Variants in SUB1 observed in about 807,000 individuals in gnomAD.
SUB1 encodes the protein activated RNA polymerase II transcriptional coactivator p15.
Under a neutral mutation model 16.9 loss-of-function variants are expected in SUB1, and 1 was observed. The observed-to-expected ratio is 0.06, with a 90% CI of 0.02 to 0.28. The LOEUF is 0.28. Among genes scored for constraint, SUB1 ranks in the 10% least tolerant of loss-of-function variants. The probability of loss-of-function intolerance (pLI) is 1.00; values close to 1 mark genes in which losing one functional copy is unlikely to be tolerated. For missense variants in SUB1, 84 were observed against 145.2 expected (o/e 0.58, Z 2.16); for synonymous variants, 51 against 46.9 (o/e 1.09, Z -0.36).
intron 1 of SUB1, among the ~76,000 whole-genome samples, chr5:32,587,214 T>C (rs1561031618): frequency 2.0e-5 from 3 of 152,182 alleles, no homozygotes; most frequent in African/African-American, 7.2e-5. Context: ...ACCTCTGGCA[T>C]AAATGGGTTA....
chr5:32,593,592 G>T (rs1409280528), intron 3 of SUB1, among the ~76,000 whole-genome samples: 3 of 152,094 alleles, frequency 2.0e-5, no homozygotes, highest in Non-Finnish European at 1.5e-5. Context: ...CAGAAAAACG[G>T]AGCTTCATTT....
chr5:32,598,258 G>A (rs1312107395), intron 3 of SUB1: 1 of 151,990 alleles, frequency 6.6e-6, no homozygotes, highest in Non-Finnish European at 1.5e-5. Context: ...CTGCTTCTTG[G>A]GAGCACTTTC....
chr5:32,602,438 C>A lies in SUB1; in HGVS notation c.*1354C>A. On this transcript the variant is annotated 3_prime_UTR_variant, in exon 5 of 5. Transcript: ENST00000265073. ...AAGTTTTAAAGACATATAAAAGATT[C>A]TTGTTGACAAATTATTTTTGGTAGC... 4.5e-6 allele frequency: 1 copy of A among 223,762 alleles called. No individual in the cohort carries two copies. The highest frequency in any genetic ancestry group is 9.3e-6 in the Non-Finnish European group (1 of 108,006). 13.9% of individuals were successfully genotyped at this position (223,762 alleles called of 1,614,324 possible).
chr5:32,588,212 T>C (rs1338510944), intron 1 of SUB1, among the ~76,000 whole-genome samples: 2 of 152,224 alleles, frequency 1.3e-5, no homozygotes, highest in Admixed American at 6.5e-5. Flanking sequence ...CCATAGTGTG[T>C]AATGCCATTA....
intron 4 of SUB1, among the ~76,000 whole-genome samples, 168 bp downstream of exon 4, chr5:32,599,237 A>G (rs1023941906): frequency 6.6e-6 from 1 of 152,184 alleles, no homozygotes; most frequent in Non-Finnish European, 1.5e-5. Context: ...CATTTTTTTA[A>G]TGAGATGTCT....
intron 3 of SUB1, chr5:32,595,959 G>A (rs1290098395): frequency 7.9e-6 from 1 of 126,932 alleles, no homozygotes; most frequent in Non-Finnish European, 1.7e-5. Flanking sequence ...TATCTTTTGT[G>A]AAGAGTATCT....
At chr5:32,588,704 G>C (rs1319309532) in intron 2 of SUB1, 120 bp downstream of exon 2, 1 of 968,956 alleles carries the variant, frequency 1.0e-6, no homozygotes, top group Non-Finnish European at 1.5e-6. Context: ...GGGCGCGGTG[G>C]CTCATGCCTG....
intron 3 of SUB1, chr5:32,594,959 T>A (rs1738921632): frequency 6.5e-6 from 1 of 154,224 alleles, no homozygotes; most frequent in Admixed American, 6.4e-5. Flanking sequence ...ATGTATATGC[T>A]ATTTTTTGCT....
chr5:32,589,348 A>G (rs1240083335), intron 2 of SUB1, among the ~76,000 whole-genome samples: 1 of 152,126 alleles, frequency 6.6e-6, no homozygotes, highest in African/African-American at 2.4e-5. Context: ...CAGACTCCCA[A>G]AGTGCTGGGA....
chr5:32,588,640 C>G (rs1738735968), intron 2 of SUB1, 56 bp downstream of exon 2: 34 of 1,527,666 alleles, frequency 2.2e-5, no homozygotes, highest in Middle Eastern at 3.5e-4. Context: ...TGTCCATATC[C>G]CATTCTGAAG....
rs531544451 is a variant in SUB1, at chr5:32,601,450, TGA to T, written c.*368_*369del. 134 of 169,906 alleles carry T rather than the reference TGA, an allele frequency of 7.9e-4. No individual in the cohort carries two copies. The highest frequency in any genetic ancestry group is 6.9e-3 in the Admixed American group (109 of 15,860). The allele number at this position is 169,906 out of a possible 1,614,324, so 10.5% of individuals were successfully genotyped here. A position where few individuals can be genotyped will look rare whatever the true frequency, so the allele number is the denominator to read the frequency against. On this transcript the variant is annotated 3_prime_UTR_variant, in exon 5 of 5. Coordinates refer to ENST00000265073, the MANE Select transcript of SUB1 (RefSeq NM_006713.4). ...ACAATAAAAAGGATTTGTATTGCAT[TGA>T]GTTTATAAACTTTTGGTTTGTGAAC...
intron 2 of SUB1, among the ~76,000 whole-genome samples, chr5:32,590,762 A>ATGTTTTTTTTTTTTTTT (rs1680786256): frequency 2.9e-5 from 1 of 33,958 alleles, no homozygotes. Context: ...CGCCTGGCTA[A>ATGTTTTTTTTTTTTTTT]TTTTTTTTTT....
At chr5:32,597,647 G>A (rs1050406348) in intron 3 of SUB1, 10 of 152,182 alleles carry the variant, frequency 6.6e-5, no homozygotes, top group Non-Finnish European at 1.3e-4. Flanking sequence ...GATACTGAGA[G>A]TAGTACAGTT....
chr5:32,601,073 A>G lies in SUB1; in HGVS notation c.373A>G (p.Arg125Gly). Reference sequence around the variant, plus strand: ...GATTTCTGACATTGATGATGCAGTAAGAAAACTGTAAAATTCGAGCCATAT... The same window carrying G: ...GATTTCTGACATTGATGATGCAGTAGGAAAACTGTAAAATTCGAGCCATAT... ...EQISDIDDAVRKL is the reference protein window; with the variant it reads ...EQISDIDDAVGKL Residue 125 changes from arginine to glycine, a missense_variant, in exon 5 of 5, where the codon AGA (arginine) becomes GGA (glycine). Coordinates refer to ENST00000265073, the MANE Select transcript of SUB1 (RefSeq NM_006713.4). 6.2e-7 allele frequency: 1 copy of G among 1,611,670 alleles called. No homozygotes were observed. Among genetic ancestry groups the G allele is most frequent in the Non-Finnish European group, 8.5e-7 (1 of 1,179,522 alleles).
At chr5:32,591,298 C>T in intron 2 of SUB1, 1 of 270,616 alleles carries the variant, frequency 3.7e-6, no homozygotes, top group Non-Finnish European at 6.6e-6. Flanking sequence ...TCCCAAACCA[C>T]AAAATAACCG....
chr5:32,591,811 T>G, intron 3 of SUB1, 126 bp downstream of exon 3: 2 of 1,138,268 alleles, frequency 1.8e-6, no homozygotes, highest in Non-Finnish European at 2.3e-6. Context: ...AGCAGTTCTC[T>G]GCCTCAGCCT....
intron 3 of SUB1, among the ~76,000 whole-genome samples, chr5:32,593,324 T>C (rs1738877816): frequency 6.6e-6 from 1 of 152,144 alleles, no homozygotes; most frequent in Non-Finnish European, 1.5e-5. Flanking sequence ...GACATTTATA[T>C]GACTAGAAAG....
intron 3 of SUB1, chr5:32,595,128 T>G (rs1406746540): frequency 6.6e-6 from 1 of 152,220 alleles, no homozygotes; most frequent in Non-Finnish European, 1.5e-5. Context: ...AATAAGAATT[T>G]GTCAGTTTTA....
intron 3 of SUB1, chr5:32,596,009 C>T (rs995050282): frequency 6.6e-6 from 1 of 151,960 alleles, no homozygotes; most frequent in Non-Finnish European, 1.5e-5. Context: ...AGTTGTAACA[C>T]TTTATATATT....
Sources: gnomAD v4.1 joint callset for allele counts (sites outside exome capture counted in the v4.1 genomes callset) on GRCh38, gnomAD v4.1.1 for gene constraint, MANE v1.5 for transcripts, NCBI Gene and HGNC (gene_info 2026-07-23, HGNC 2026-07-21) for gene names.